RPS6KC1: variants seen among roughly 807,000 people sequenced by gnomAD.
The protein encoded by RPS6KC1 is inactive ribosomal protein S6 kinase delta-1.
RPS6KC1 carries 54 observed loss-of-function variants against 103.8 expected under a neutral mutation model. The ratio of observed to expected loss-of-function variants is 0.52; its 90% CI spans 0.42 to 0.65. RPS6KC1 has a LOEUF of 0.65. RPS6KC1 is among the 30% of genes least tolerant of loss of function. The pLI is 0.00. For synonymous variants in RPS6KC1, 439 were observed against 438.7 expected, an observed-to-expected ratio of 1.00 and a Z score of -0.01; for missense variants, 1,151 against 1,253.8, an observed-to-expected ratio of 0.92 and a Z score of 1.24.
chr1:213,503,338 G>A, the RPS6KC1 span, among the ~76,000 whole-genome samples: 261 of 152,224 alleles, frequency 1.7e-3, no homozygotes, highest in African/African-American at 5.6e-3. Context: ...AGAGATAGCC[G>A]ATAACTTGTG....
At chr1:213,452,175 G>A in the RPS6KC1 span, among the ~76,000 whole-genome samples, 1 of 152,126 alleles carries the variant, frequency 6.6e-6, no homozygotes, top group African/African-American at 2.4e-5. Context: ...CAGCAAACGG[G>A]CCTGGGAAGA....
chr1:213,733,623 A>G, the RPS6KC1 span, among the ~76,000 whole-genome samples: 25,614 of 150,632 alleles, frequency 0.17, 2,396 homozygotes, highest in Middle Eastern at 0.28. Context: ...TTATATTGCA[A>G]GATTATTTTA....
At chr1:213,088,436 TCACTG>T in intron 3 of RPS6KC1, among the ~76,000 whole-genome samples, 1 of 152,136 alleles carries the variant, frequency 6.6e-6, no homozygotes, top group Non-Finnish European at 1.5e-5. Context: ...TGATCATGGC[TCACTG>T]CAGCCTCTAC....
At chr1:213,124,395 C>G (rs533072830) in intron 5 of RPS6KC1, among the ~76,000 whole-genome samples, 7 of 152,136 alleles carry the variant, frequency 4.6e-5, no homozygotes, top group Non-Finnish European at 1.0e-4. Flanking sequence ...CTGCCTTATC[C>G]ACAATGTCCT....
the RPS6KC1 span, among the ~76,000 whole-genome samples, chr1:213,381,804 C>G: frequency 1.3e-5 from 2 of 152,218 alleles, no homozygotes; most frequent in Non-Finnish European, 2.9e-5. Flanking sequence ...CTCTAGCAAC[C>G]GATAGCACCA....
At chr1:213,665,850 T>C in the RPS6KC1 span, among the ~76,000 whole-genome samples, 1 of 152,232 alleles carries the variant, frequency 6.6e-6, no homozygotes, top group African/African-American at 2.4e-5. Context: ...GTGTAGTAAA[T>C]ACAAAGAATA....
the RPS6KC1 span, among the ~76,000 whole-genome samples, chr1:213,764,655 C>T: frequency 6.6e-6 from 1 of 152,106 alleles, no homozygotes. Flanking sequence ...TCAGTGGACG[C>T]TCTTGGGGAC....
At chr1:213,161,254 G>A (rs2090445047) in intron 6 of RPS6KC1, among the ~76,000 whole-genome samples, 1 of 152,096 alleles carries the variant, frequency 6.6e-6, no homozygotes, top group African/African-American at 2.4e-5. Flanking sequence ...TAATTGTTAG[G>A]GAGGATTTTC....
At chr1:213,221,083 C>A (rs2093820230) in intron 8 of RPS6KC1, among the ~76,000 whole-genome samples, 1 of 152,052 alleles carries the variant, frequency 6.6e-6, no homozygotes. Flanking sequence ...AAAATACAAT[C>A]TTTATTATTA....
the RPS6KC1 span, among the ~76,000 whole-genome samples, chr1:213,634,869 C>A: frequency 7.3e-5 from 11 of 150,862 alleles, no homozygotes; most frequent in Non-Finnish European, 1.3e-4. Context: ...AATTGATAGG[C>A]CCCTTGCAAG....
chr1:213,078,061 T>C (rs2079511193), intron 3 of RPS6KC1, among the ~76,000 whole-genome samples: 1 of 152,094 alleles, frequency 6.6e-6, no homozygotes, highest in Non-Finnish European at 1.5e-5. Context: ...TAAAAAACCC[T>C]GTAGGAACAT....
chr1:213,327,257 A>AAAGAAAGAAAGG, the RPS6KC1 span, among the ~76,000 whole-genome samples: 7 of 151,836 alleles, frequency 4.6e-5, no homozygotes, highest in Admixed American at 2.6e-4. Flanking sequence ...AGAAAGAAAG[A>AAAGAAAGAAAGG]AAGAAAGAAG....
the RPS6KC1 span, chr1:213,836,087 A>C: frequency 6.6e-6 from 1 of 152,216 alleles, no homozygotes; most frequent in South Asian, 2.1e-4. Flanking sequence ...AGAAAAAAGA[A>C]AAGAAACAAG....
chr1:213,545,326 G>A, the RPS6KC1 span, among the ~76,000 whole-genome samples: 8 of 151,130 alleles, frequency 5.3e-5, no homozygotes, highest in South Asian at 2.1e-4. Context: ...AGCTGAGATC[G>A]GGCCACTGCA....
At chr1:213,516,787 G>A in the RPS6KC1 span, among the ~76,000 whole-genome samples, 30 of 152,172 alleles carry the variant, frequency 2.0e-4, no homozygotes, top group African/African-American at 7.0e-4. Context: ...GATTGAAAAA[G>A]TTTCAGAAGG....
the RPS6KC1 span, among the ~76,000 whole-genome samples, chr1:213,494,136 C>T: frequency 7.2e-5 from 11 of 152,126 alleles, no homozygotes; most frequent in East Asian, 1.9e-4. Flanking sequence ...AGCCTGCCCC[C>T]GGCTACAGAA....
intron 5 of RPS6KC1, among the ~76,000 whole-genome samples, chr1:213,124,210 T>C (rs2084716555): frequency 6.6e-6 from 1 of 152,184 alleles, no homozygotes; most frequent in Admixed American, 6.6e-5. Flanking sequence ...TTTGACTTTT[T>C]CCCCTTGTAT....
the RPS6KC1 span, among the ~76,000 whole-genome samples, chr1:213,838,864 G>T: frequency 2.3e-4 from 35 of 152,288 alleles, no homozygotes; most frequent in African/African-American, 8.2e-4. Context: ...TAATTCTTCT[G>T]TCAAAATTCT....
chr1:213,834,447 C>T, the RPS6KC1 span, among the ~76,000 whole-genome samples: 1 of 152,154 alleles, frequency 6.6e-6, no homozygotes, highest in African/African-American at 2.4e-5. Context: ...CCAATCCATT[C>T]CCTTGTTATG....
Sources: gnomAD v4.1 joint callset for allele counts (sites outside exome capture counted in the v4.1 genomes callset) on GRCh38, gnomAD v4.1.1 for gene constraint, MANE v1.5 for transcripts, NCBI Gene and HGNC (gene_info 2026-07-23, HGNC 2026-07-21) for gene names.